The following SUGCT variants were observed in gnomAD, a reference collection of about 807,000 sequenced individuals.
SUGCT encodes succinyl-CoA:glutarate-CoA transferase, also known as succinyl-CoA:glutarate CoA-transferase.
A neutral mutation model predicts 55.0 loss-of-function variants in SUGCT; 41 were observed. That is an observed-to-expected ratio of 0.74 (90% CI 0.58 to 0.97). SUGCT has a LOEUF of 0.97. SUGCT is among the 50% of genes least tolerant of loss of function. The pLI is 0.00. For synonymous variants in SUGCT, 187 were observed against 200.4 expected (o/e 0.93, Z 0.56); for missense variants, 568 against 547.8 (o/e 1.04, Z -0.37).
chr7:40,419,371 C>T (rs1314273209), intron 9 of SUGCT, among the ~76,000 whole-genome samples: 1 of 152,002 alleles, frequency 6.6e-6, no homozygotes, highest in Admixed American at 6.6e-5. Context: ...AGACAAAATC[C>T]CCAATATACT....
chr7:40,985,623 A>C, the SUGCT span, among the ~76,000 whole-genome samples: 1 of 152,212 alleles, frequency 6.6e-6, no homozygotes, highest in Non-Finnish European at 1.5e-5. Context: ...TATGAAGTTC[A>C]GGACAATTGT....
intron 12 of SUGCT, among the ~76,000 whole-genome samples, chr7:40,642,256 G>A (rs561811370): frequency 2.0e-4 from 30 of 152,332 alleles, no homozygotes; most frequent in African/African-American, 7.0e-4. Context: ...TTTCGATGAT[G>A]TTCTTGGGAA....
At chr7:40,691,711 G>A (rs1784707728) in intron 12 of SUGCT, among the ~76,000 whole-genome samples, 1 of 152,124 alleles carries the variant, frequency 6.6e-6, no homozygotes, top group African/African-American at 2.4e-5. Context: ...TCAAATGGAT[G>A]TCTTTCTTTC....
In SUGCT at chr7:40,180,876, A is replaced by G. The variant is rs116844030; in HGVS notation, c.101-71A>G. ...AGTCCTTGTGATCTGTCTCAAGCTTATAATGGTGTATGTGAAAATGTAAGA... is the reference window on the plus strand; with the variant it reads ...AGTCCTTGTGATCTGTCTCAAGCTTGTAATGGTGTATGTGAAAATGTAAGA... On this transcript the variant is annotated intron_variant, in intron 1 of 13. Coordinates refer to ENST00000335693, the MANE Select transcript of SUGCT (RefSeq NM_001193313.2). The G allele has an allele frequency of 0.05, 57,134 of 1,138,776 alleles. 1,771 individuals are homozygous for G. Among genetic ancestry groups the G allele is most frequent in the South Asian group, 0.084 (6,699 of 79,912 alleles). The allele number at this position is 1,138,776 out of a possible 1,614,324, so 70.5% of individuals were successfully genotyped here. A position where few individuals can be genotyped will look rare whatever the true frequency, so the allele number is the denominator to read the frequency against.
At chr7:40,955,690 G>C in the SUGCT span, among the ~76,000 whole-genome samples, 1 of 152,054 alleles carries the variant, frequency 6.6e-6, no homozygotes, top group Non-Finnish European at 1.5e-5. Context: ...AGTGAGAGAG[G>C]GCATCCTTGT....
At chr7:40,937,604 T>C in the SUGCT span, among the ~76,000 whole-genome samples, 1 of 152,238 alleles carries the variant, frequency 6.6e-6, no homozygotes, top group Non-Finnish European at 1.5e-5. Context: ...TTATAATTGT[T>C]ATATATTCTT....
chr7:40,276,191 T>C (rs1437800750), intron 8 of SUGCT, among the ~76,000 whole-genome samples: 1 of 152,214 alleles, frequency 6.6e-6, no homozygotes, highest in African/African-American at 2.4e-5. Flanking sequence ...TTAATGTTTC[T>C]ATAAAAAGGT....
rs34780979 is a variant in SUGCT at position 40,248,888 on chromosome 7, GCA to G, written c.576+11182_576+11183del. On this transcript the variant is annotated intron_variant, in intron 7 of 13. Coordinates refer to ENST00000335693, the MANE Select transcript of SUGCT (RefSeq NM_001193313.2). ...CTCTTTCCAGCGCGCGCGCGCGCTC[GCA>G]CACACACACACACACACACGCACAC... 4.6e-3 allele frequency among the ~76,000 whole-genome samples: 622 copies of G among 135,572 alleles called. 7 individuals are homozygous for G. Among genetic ancestry groups the G allele is most frequent in the African/African-American group, 0.017 (601 of 34,992 alleles). The allele number at this position is 135,572 out of a possible 152,430, so 88.9% of individuals were successfully genotyped here.
At chr7:40,180,201 A>G (rs1354882193) in intron 1 of SUGCT, among the ~76,000 whole-genome samples, 3 of 149,332 alleles carry the variant, frequency 2.0e-5, no homozygotes, top group Non-Finnish European at 4.4e-5. Flanking sequence ...TCGGCTCGCT[A>G]CAGCTTCCGC....
At chr7:40,242,906 CATAT>C (rs1159693206) in intron 7 of SUGCT, among the ~76,000 whole-genome samples, 3,350 of 32,178 alleles carry the variant, frequency 0.1, 402 homozygotes, top group East Asian at 0.34. Context: ...TGCTATGTGG[CATAT>C]ATATATATAT....
intron 12 of SUGCT, among the ~76,000 whole-genome samples, chr7:40,698,266 C>A (rs1785024327): frequency 6.6e-6 from 1 of 152,178 alleles, no homozygotes. Flanking sequence ...TCAATCCAGG[C>A]TCTTAGAGGG....
chr7:40,727,218 G>T (rs754307964), intron 12 of SUGCT, among the ~76,000 whole-genome samples: 2 of 152,068 alleles, frequency 1.3e-5, no homozygotes, highest in Non-Finnish European at 2.9e-5. Flanking sequence ...GTCATGATTT[G>T]TTTAGCAGGA....
At chr7:40,186,243 C>T in intron 3 of SUGCT, among the ~76,000 whole-genome samples, 1 of 141,304 alleles carries the variant, frequency 7.1e-6, no homozygotes, top group South Asian at 2.5e-4. Context: ...CTCCCTTCTC[C>T]CCTTTCCTCC....
At chr7:40,674,584 C>T (rs1802099010) in intron 12 of SUGCT, among the ~76,000 whole-genome samples, 2 of 152,136 alleles carry the variant, frequency 1.3e-5, no homozygotes, top group South Asian at 4.1e-4. Context: ...GTGGCCCCGG[C>T]ATGTGTGCCT....
At chr7:40,254,946 C>T (rs188726648) in intron 7 of SUGCT, among the ~76,000 whole-genome samples, 73 of 151,542 alleles carry the variant, frequency 4.8e-4, no homozygotes, top group Admixed American at 1.2e-3. Flanking sequence ...TGGCTGGGCG[C>T]GGTGGCTCAC....
chr7:40,147,082 C>G (rs1321769561), intron 1 of SUGCT, among the ~76,000 whole-genome samples: 5 of 151,932 alleles, frequency 3.3e-5, no homozygotes, highest in Admixed American at 6.6e-5. Flanking sequence ...CTCTCTCTCT[C>G]TCTCCCTCTC....
At chr7:40,392,910 C>T (rs185526798) in intron 9 of SUGCT, among the ~76,000 whole-genome samples, 2 of 152,276 alleles carry the variant, frequency 1.3e-5, no homozygotes, top group Non-Finnish European at 2.9e-5. Context: ...AGGCTTAAGC[C>T]TGTAAAACTG....
At chr7:40,725,033 T>C (rs1786541369) in intron 12 of SUGCT, among the ~76,000 whole-genome samples, 1 of 152,184 alleles carries the variant, frequency 6.6e-6, no homozygotes, top group African/African-American at 2.4e-5. Context: ...GGAGGAGTGC[T>C]TGCTGAGACA....
the SUGCT span, among the ~76,000 whole-genome samples, chr7:40,987,038 TA>T: frequency 3.3e-5 from 5 of 152,188 alleles, no homozygotes; most frequent in African/African-American, 1.2e-4. Flanking sequence ...ACAAAAATGA[TA>T]AGGCAAGACA....
Sources: gnomAD v4.1 joint callset for allele counts (sites outside exome capture counted in the v4.1 genomes callset) on GRCh38, gnomAD v4.1.1 for gene constraint, MANE v1.5 for transcripts, NCBI Gene and HGNC (gene_info 2026-07-23, HGNC 2026-07-21) for gene names.